Variants in DDC observed in about 807,000 individuals in gnomAD.
The protein encoded by DDC is aromatic-L-amino-acid decarboxylase.
Under a neutral mutation model 60.0 loss-of-function variants are expected in DDC, and 43 were observed. The observed-to-expected ratio is 0.72, with a 90% CI of 0.56 to 0.92. DDC has a LOEUF of 0.92. DDC is among the 40% of genes least tolerant of loss of function. The pLI is 0.00. For synonymous variants in DDC, 232 were observed against 234.6 expected (o/e 0.99, Z 0.10); for missense variants, 573 against 620.2 (o/e 0.92, Z 0.81).
intron 9 of DDC, 87 bp downstream of exon 9, chr7:50,495,263 A>T (rs976581584): frequency 4.1e-5 from 38 of 926,314 alleles, no homozygotes; most frequent in Non-Finnish European, 6.4e-5. Flanking sequence ...TGACTATTGC[A>T]CCCCTTTGGC....
chr7:50,502,326 G>C (rs371910906), intron 7 of DDC, among the ~76,000 whole-genome samples: 12 of 152,156 alleles, frequency 7.9e-5, no homozygotes, highest in African/African-American at 2.9e-4. Context: ...GGTGACACAC[G>C]CTGGCTGTCA....
At chr7:50,562,908 C>T (rs1276855936) in intron 1 of DDC, among the ~76,000 whole-genome samples, 1 of 152,298 alleles carries the variant, frequency 6.6e-6, no homozygotes, top group Middle Eastern at 3.4e-3. Flanking sequence ...TGGCTCATGC[C>T]TGTAATCCCA....
Position 50,529,190 on chromosome 7 carries a change from C to T in DDC, c.570+18G>A, listed in dbSNP as rs756621570. On this transcript the variant is annotated intron_variant, in intron 5 of 14. Coordinates refer to ENST00000444124, the MANE Select transcript of DDC (RefSeq NM_001082971.2). Reference sequence around the variant, plus strand: ...TCGGGTCTTGAAGTCTTGGCTGATACCCCCACAACACACTCACCTGATCGG... The same window carrying T: ...TCGGGTCTTGAAGTCTTGGCTGATATCCCCACAACACACTCACCTGATCGG... 1 of 1,612,604 alleles carries T rather than the reference C, an allele frequency of 6.2e-7. No individual in the cohort carries two copies. Among genetic ancestry groups the T allele is most frequent in the Non-Finnish European group, 8.5e-7 (1 of 1,179,970 alleles).
intron 4 of DDC, among the ~76,000 whole-genome samples, chr7:50,532,256 C>G (rs1211832841): frequency 1.3e-5 from 2 of 152,214 alleles, no homozygotes; most frequent in African/African-American, 4.8e-5. Flanking sequence ...GATCCCATTT[C>G]TTCCTTTCAT....
At position 50,479,832 on chromosome 7, in the gene DDC, A is replaced by T. The variant is rs1434254661; in HGVS notation, c.976T>A (p.Phe326Ile). The T allele has an allele frequency of 6.2e-7, 1 of 1,613,836 alleles. No individual in the cohort carries two copies. Among genetic ancestry groups the T allele is most frequent in the African/African-American group, 1.3e-5 (1 of 75,026 alleles). The change falls in exon 10 of 15, where the codon TTT becomes ATT. Residue 326 changes from phenylalanine (F) to isoleucine (I), a missense_variant. By Grantham distance (21) the Phe-to-Ile change is conservative (BLOSUM62 0). Coordinates refer to ENST00000444124, the MANE Select transcript of DDC (RefSeq NM_001082971.2). The part of the protein sequence containing the change: ...VKKRTDLTGA[F>I]RLDPTYLKHS... Reference sequence around the variant, plus strand: ...TTCAGGTAAGTGGGGTCCAGTCTAAAGGCTCCCGTTAAGTCTGTTCTCTTT... The same window carrying T: ...TTCAGGTAAGTGGGGTCCAGTCTAATGGCTCCCGTTAAGTCTGTTCTCTTT...
At chr7:50,502,181 A>G (rs2043275643) in intron 7 of DDC, among the ~76,000 whole-genome samples, 1 of 152,158 alleles carries the variant, frequency 6.6e-6, no homozygotes, top group Non-Finnish European at 1.5e-5. Context: ...ACAACCCCAA[A>G]AGCAACCTCA....
At chr7:50,511,040 A>G (rs2043556156) in intron 6 of DDC, among the ~76,000 whole-genome samples, 2 of 97,888 alleles carry the variant, frequency 2.0e-5, no homozygotes, top group South Asian at 8.1e-4. Context: ...CTAGGATATT[A>G]GGATATATCT....
At chr7:50,493,217 TGTAC>T (rs904342396) in intron 9 of DDC, among the ~76,000 whole-genome samples, 1 of 152,166 alleles carries the variant, frequency 6.6e-6, no homozygotes, top group Non-Finnish European at 1.5e-5. Flanking sequence ...GGAGCCTGGA[TGTAC>T]CTATCCGCAG....
chr7:50,537,892 C>T lies in DDC; in HGVS notation c.403G>A (p.Glu135Lys), dbSNP rs2044471583. Residue 135 changes from glutamate (E) to lysine (K), a missense_variant, in exon 4 of 15, where the codon GAG (glutamate) becomes AAG (lysine). By Grantham distance (56) the Glu-to-Lys change is moderately conservative (BLOSUM62 1). Coordinates refer to ENST00000444124, the MANE Select transcript of DDC (RefSeq NM_001082971.2). Reference sequence around the variant, plus strand: ...ACTCCTCCCCCTTCTCCAGCTTTCTCATTCAAAAATGCCTTTGGTAGTTCC... The same window carrying T: ...ACTCCTCCCCCTTCTCCAGCTTTCTTATTCAAAAATGCCTTTGGTAGTTCC... ...MLELPKAFLNEKAGEGGGVIQ... is the reference protein window; with the variant it reads ...MLELPKAFLNKKAGEGGGVIQ... 1 of 1,614,074 alleles carries T rather than the reference C, an allele frequency of 6.2e-7. No homozygotes were observed. The highest frequency in any genetic ancestry group is 1.3e-5 in the African/African-American group (1 of 74,920).
intron 11 of DDC, among the ~76,000 whole-genome samples, chr7:50,475,968 G>A (rs994985416): frequency 6.6e-6 from 1 of 152,186 alleles, no homozygotes; most frequent in African/African-American, 2.4e-5. Flanking sequence ...GGGATTACAG[G>A]AGTGAGCCAC....
intron 13 of DDC, among the ~76,000 whole-genome samples, chr7:50,465,833 G>T (rs1375398621): frequency 1.3e-5 from 2 of 152,234 alleles, no homozygotes; most frequent in Non-Finnish European, 2.9e-5. Flanking sequence ...CACTAAGGTT[G>T]GTTGACTGGA....
intron 9 of DDC, 38 bp downstream of exon 9, chr7:50,495,312 C>CT: frequency 6.6e-7 from 1 of 1,523,928 alleles, no homozygotes; most frequent in South Asian, 1.1e-5. Flanking sequence ...ACTGTCACCT[C>CT]GGACAGGCAA....
In DDC at chr7:50,555,107, G is replaced by A. The variant is rs757225697; in HGVS notation, c.-29+10178C>T. ...CCAGGATCCAGGCTGTCCGTGCAAA[G>A]CTGCCACCAGGTCAGGCTTGCCGGG... is the stretch of plus-strand genomic sequence containing the variant. On this transcript the variant is annotated intron_variant, in intron 1 of 14. Coordinates refer to ENST00000444124, the MANE Select transcript of DDC (RefSeq NM_001082971.2). 5.9e-5 allele frequency among the ~76,000 whole-genome samples: 9 copies of A among 152,300 alleles called. No homozygotes were observed. In the East Asian group the frequency reaches 7.7e-4, roughly 13 times the overall value.
intron 14 of DDC, among the ~76,000 whole-genome samples, chr7:50,460,913 G>C (rs925876265): frequency 1.3e-5 from 2 of 151,484 alleles, no homozygotes; most frequent in African/African-American, 2.4e-5. Context: ...CAAACACTGC[G>C]GAAGGCCGCA....
intron 2 of DDC, among the ~76,000 whole-genome samples, chr7:50,540,736 A>C (rs1240998844): frequency 1.3e-5 from 2 of 151,856 alleles, no homozygotes; most frequent in South Asian, 2.1e-4. Context: ...AACACCTGCC[A>C]CTCCCTGGGT....
intron 8 of DDC, 93 bp from the exon 9 acceptor site, chr7:50,495,510 G>T: frequency 9.5e-7 from 1 of 1,047,396 alleles, no homozygotes; most frequent in Non-Finnish European, 1.4e-6. Context: ...AAAGTTTATG[G>T]CACAACTAAT....
chr7:50,479,927 C>T, intron 9 of DDC, 64 bp from the exon 10 acceptor site: 3 of 1,306,750 alleles, frequency 2.3e-6, no homozygotes, highest in South Asian at 2.4e-5. Context: ...CACCTCTCCC[C>T]TCTCCCCACC....
At chr7:50,511,016 A>G (rs1168816684) in intron 6 of DDC, among the ~76,000 whole-genome samples, 1 of 147,948 alleles carries the variant, frequency 6.8e-6, no homozygotes, top group Non-Finnish European at 1.5e-5. Context: ...CAACTGTTTA[A>G]CACTAGCTTA....
chr7:50,500,984 T>C (rs976093640), intron 7 of DDC, among the ~76,000 whole-genome samples: 2 of 152,162 alleles, frequency 1.3e-5, no homozygotes, highest in African/African-American at 4.8e-5. Context: ...GCATCTCATA[T>C]GTGATCCACT....
Sources: allele counts gnomAD v4.1 joint callset (sites outside exome capture counted in the v4.1 genomes callset), GRCh38; gene constraint gnomAD v4.1.1; transcripts MANE v1.5; gene names NCBI Gene and HGNC (gene_info 2026-07-23, HGNC 2026-07-21).